Variants in C16orf74 observed in about 807,000 individuals in gnomAD.
C16orf74 encodes the protein uncharacterized protein C16orf74.
Under a neutral mutation model 6.5 loss-of-function variants are expected in C16orf74, and 10 were observed. The ratio of observed to expected loss-of-function variants is 1.54; its 90% CI spans 0.95 to 2.61. C16orf74 has a LOEUF of 2.61. Among genes scored for constraint, C16orf74 ranks in the 30% most tolerant of loss-of-function variants. The probability of loss-of-function intolerance (pLI) is 0.00; values close to 1 mark genes in which losing one functional copy is unlikely to be tolerated. For missense variants in C16orf74, 141 were observed against 105.9 expected, an observed-to-expected ratio of 1.33 and a Z score of -1.45; for synonymous variants, 60 against 42.5, an observed-to-expected ratio of 1.41 and a Z score of -1.60.
rs372970915 is a variant in C16orf74, at chr16:85,737,314, G to A, written c.-18-2079C>T. Among the ~76,000 whole-genome samples the A allele has an allele frequency of 7.2e-5, 11 of 152,290 alleles. 1 individual carries two copies. In the East Asian group the frequency reaches 2.1e-3, roughly 29 times the overall value. On this transcript the variant is annotated intron_variant, in intron 1 of 3. Coordinates refer to ENST00000284245, the MANE Select transcript of C16orf74 (RefSeq NM_206967.3). ...GTGCATGCAGAGTCTCAGGCCCTGA[G>A]CTGGCCCTGCCCACTCAGAACCTGC...
chr16:85,710,258 G>T lies in C16orf74; in HGVS notation c.78C>A (p.Pro26=). ...CGTCCAGGTGCTTGTCGTTCAGGAC[G>T]GGGGCCTCGTCGTGGCTGCTGCTGC... ...SSSSSSHDEA[P]VLNDKHLDVP... is the part of the protein sequence containing the mutation. The change falls in exon 3 of 4, where the codon CCC becomes CCA. Residue 26 remains proline, a synonymous_variant. Coordinates refer to ENST00000284245, the MANE Select transcript of C16orf74 (RefSeq NM_206967.3). The T allele has an allele frequency of 6.6e-7, 1 of 1,513,840 alleles. No individual in the cohort carries two copies. The highest frequency in any genetic ancestry group is 8.8e-7 in the Non-Finnish European group (1 of 1,142,618). The allele number at this position is 1,513,840 out of a possible 1,614,324, so 93.8% of individuals were successfully genotyped here.
Position 85,714,864 on chromosome 16 carries a change from G to A in C16orf74, c.29-4557C>T, listed in dbSNP as rs145031206. Among the ~76,000 whole-genome samples the A allele has an allele frequency of 3.9e-3, 595 of 151,606 alleles. 2 individuals are homozygous for A. The highest frequency in any genetic ancestry group is 6.1e-3 in the Non-Finnish European group (413 of 67,902). ...TGGGGTTTGAACCTTCTTTAAAGAA[G>A]AGAACATTTCAGCCGGGTGCGGTGG... On this transcript the variant is annotated intron_variant, in intron 2 of 3. Transcript: ENST00000284245.
chr16:85,739,722 C>T (rs543175028), intron 1 of C16orf74, among the ~76,000 whole-genome samples: 1 of 152,078 alleles, frequency 6.6e-6, no homozygotes, highest in Non-Finnish European at 1.5e-5. Context: ...ATCGCTTGAG[C>T]CTCCTTGAAG....
intron 1 of C16orf74, among the ~76,000 whole-genome samples, chr16:85,750,656 T>C (rs2054427305): frequency 6.6e-6 from 1 of 152,120 alleles, no homozygotes; most frequent in South Asian, 2.1e-4. Flanking sequence ...GGCCAGAGGC[T>C]TCCGCGCGGG....
chr16:85,728,109 G>C (rs1037263112), intron 2 of C16orf74, among the ~76,000 whole-genome samples: 1 of 152,090 alleles, frequency 6.6e-6, no homozygotes, highest in African/African-American at 2.4e-5. Flanking sequence ...CTGCACTCCA[G>C]CCTGAGCAAC....
At chr16:85,745,937 G>C (rs558981979) in intron 1 of C16orf74, among the ~76,000 whole-genome samples, 75 of 152,344 alleles carry the variant, frequency 4.9e-4, no homozygotes, top group Non-Finnish European at 8.4e-4. Context: ...TCCTGGAGAG[G>C]CTCATAGAAA....
At chr16:85,733,381 G>A (rs937724757) in intron 2 of C16orf74, among the ~76,000 whole-genome samples, 1 of 152,172 alleles carries the variant, frequency 6.6e-6, no homozygotes, top group African/African-American at 2.4e-5. Flanking sequence ...AATGGTGGCT[G>A]CCAAGGGCTG....
At chr16:85,722,819 C>T (rs938830173) in intron 2 of C16orf74, among the ~76,000 whole-genome samples, 2 of 152,246 alleles carry the variant, frequency 1.3e-5, no homozygotes, top group African/African-American at 2.4e-5. Context: ...TCCCTCAGCA[C>T]GTTCTATGAA....
Position 85,719,632 on chromosome 16 carries a change from G to C in C16orf74, c.29-9325C>G, listed in dbSNP as rs193124007. ...CCTGGGTCAGTTCAAGCAGGGACTA[G>C]GGGCAGATGATAAGCCCACTCACAG... On this transcript the variant is annotated intron_variant, in intron 2 of 3. Coordinates refer to ENST00000284245, the MANE Select transcript of C16orf74 (RefSeq NM_206967.3). Among the ~76,000 whole-genome samples the C allele has an allele frequency of 3.4e-3, 525 of 152,254 alleles. 5 individuals carry two copies. The highest frequency in any genetic ancestry group is 0.012 in the African/African-American group (491 of 41,552).
chr16:85,726,921 C>T (rs976036007), intron 2 of C16orf74, among the ~76,000 whole-genome samples: 1 of 152,208 alleles, frequency 6.6e-6, no homozygotes, highest in African/African-American at 2.4e-5. Context: ...CTTCCCCGCT[C>T]TGTGCCAGGC....
In C16orf74 at chr16:85,707,663, T is replaced by G; in HGVS notation, c.*345A>C. ...TTGGTGCTTATGGCAGGGGCATGTG[T>G]TTGCACAGCCCTGGGGGCTGGGAGG... On this transcript the variant is annotated 3_prime_UTR_variant, in exon 4 of 4. Coordinates refer to ENST00000284245, the MANE Select transcript of C16orf74 (RefSeq NM_206967.3). 1 of 273,200 alleles carries G rather than the reference T, an allele frequency of 3.7e-6. No homozygotes were observed. Among genetic ancestry groups the G allele is most frequent in the Non-Finnish European group, 6.8e-6 (1 of 146,512 alleles). The allele number at this position is 273,200 out of a possible 1,614,324, so 16.9% of individuals were successfully genotyped here. A position where few individuals can be genotyped will look rare whatever the true frequency, so the allele number is the denominator to read the frequency against.
intron 2 of C16orf74, among the ~76,000 whole-genome samples, chr16:85,712,826 G>A (rs183741051): frequency 6.6e-6 from 1 of 152,328 alleles, no homozygotes; most frequent in African/African-American, 2.4e-5. Flanking sequence ...TAAGCCCTTG[G>A]AATATCTTGC....
chr16:85,732,923 C>T (rs1411838388), intron 2 of C16orf74, among the ~76,000 whole-genome samples: 1 of 152,156 alleles, frequency 6.6e-6, no homozygotes, highest in Non-Finnish European at 1.5e-5. Flanking sequence ...GCTCCCAGCC[C>T]CACGAGCCCT....
chr16:85,725,377 G>C (rs682834), intron 2 of C16orf74, among the ~76,000 whole-genome samples: 63,468 of 152,086 alleles, frequency 0.42, 14,340 homozygotes, highest in African/African-American at 0.59. Flanking sequence ...GCCCCATCTG[G>C]AAGGCAAGGA....
At chr16:85,711,432 C>T (rs1269878997) in intron 2 of C16orf74, among the ~76,000 whole-genome samples, 3 of 146,770 alleles carry the variant, frequency 2.0e-5, no homozygotes, top group South Asian at 2.2e-4. Context: ...CTGACCAACA[C>T]GGAGAAACCC....
intron 2 of C16orf74, among the ~76,000 whole-genome samples, chr16:85,729,965 G>A (rs1233490431): frequency 1.3e-5 from 2 of 152,168 alleles, no homozygotes; most frequent in African/African-American, 2.4e-5. Context: ...AGTCACGCAC[G>A]GTAGAGATGG....
intron 1 of C16orf74, among the ~76,000 whole-genome samples, chr16:85,740,878 C>T (rs1260590749): frequency 6.8e-6 from 1 of 146,178 alleles, no homozygotes; most frequent in Non-Finnish European, 1.5e-5. Context: ...TGTCTGGGCT[C>T]AAGAGTCATC....
chr16:85,728,224 G>C (rs973238039), intron 2 of C16orf74, among the ~76,000 whole-genome samples: 1 of 152,178 alleles, frequency 6.6e-6, no homozygotes, highest in Admixed American at 6.5e-5. Flanking sequence ...TTGGTTTGCT[G>C]TAACGAGTGG....
In C16orf74 at chr16:85,721,948, T is replaced by C. The variant is rs536241133; in HGVS notation, c.29-11641A>G. On this transcript the variant is annotated intron_variant, in intron 2 of 3. Transcript: ENST00000284245. ...AGCGCTAACAATTGCTACACACAGT[T>C]AGCCTTCTCATTGGAATAGAGATTC... 6.1e-4 allele frequency among the ~76,000 whole-genome samples: 93 copies of C among 151,924 alleles called. 1 individual carries two copies. In the South Asian group the frequency reaches 0.018, roughly 29 times the overall value.
Sources: gnomAD v4.1 joint callset for allele counts (sites outside exome capture counted in the v4.1 genomes callset) on GRCh38, gnomAD v4.1.1 for gene constraint, MANE v1.5 for transcripts, NCBI Gene and HGNC (gene_info 2026-07-23, HGNC 2026-07-21) for gene names.